Variants in CFAP263 observed in about 807,000 individuals in gnomAD.
The protein encoded by CFAP263 is cilia- and flagella-associated protein 263.
At chr16:58,279,163 A>G in the CFAP263 span, among the ~76,000 whole-genome samples, 1 of 152,074 alleles carries the variant, frequency 6.6e-6, no homozygotes, top group Non-Finnish European at 1.5e-5. Context: ...GCAATGGGAA[A>G]CCATATGCTG....
At chr16:58,266,753 G>A in the CFAP263 span, among the ~76,000 whole-genome samples, 1 of 152,130 alleles carries the variant, frequency 6.6e-6, no homozygotes, top group East Asian at 1.9e-4. Context: ...TGGTCAAAAG[G>A]GGGCCAATCT....
the CFAP263 span, among the ~76,000 whole-genome samples, chr16:58,271,258 C>T: frequency 1.3e-5 from 2 of 151,984 alleles, no homozygotes; most frequent in South Asian, 2.1e-4. Flanking sequence ...CTTTATTTTT[C>T]CTTTATTTTT....
chr16:58,250,738 C>T, the CFAP263 span, among the ~76,000 whole-genome samples: 1 of 144,278 alleles, frequency 6.9e-6, no homozygotes. Flanking sequence ...GCACCCCAGC[C>T]TGGGCAACAG....
chr16:58,271,865 G>A, the CFAP263 span, among the ~76,000 whole-genome samples: 12 of 152,194 alleles, frequency 7.9e-5, no homozygotes, highest in African/African-American at 2.2e-4. Context: ...CGTACTCTTC[G>A]GAAGGAAGTC....
chr16:58,278,567 G>A, the CFAP263 span: 32 of 1,612,390 alleles, frequency 2.0e-5, 1 homozygote, highest in East Asian at 3.3e-4. Context: ...ACTTACGTCC[G>A]GGAGAAGATC....
chr16:58,252,426 G>T, the CFAP263 span, among the ~76,000 whole-genome samples: 1 of 151,846 alleles, frequency 6.6e-6, no homozygotes, highest in Non-Finnish European at 1.5e-5. Flanking sequence ...GATACTTGAA[G>T]ATGAAACCTA....
chr16:58,270,022 C>T, the CFAP263 span, among the ~76,000 whole-genome samples: 5 of 152,114 alleles, frequency 3.3e-5, no homozygotes, highest in African/African-American at 9.7e-5. Flanking sequence ...TAAAAAAATG[C>T]CCATCCTACT....
the CFAP263 span, among the ~76,000 whole-genome samples, chr16:58,253,744 C>T: frequency 1.3e-5 from 2 of 152,204 alleles, no homozygotes; most frequent in South Asian, 2.1e-4. Flanking sequence ...ACCTTCAAGA[C>T]GTTTACCCTT....
chr16:58,253,960 T>C, the CFAP263 span: 6 of 1,612,292 alleles, frequency 3.7e-6, no homozygotes, highest in Non-Finnish European at 4.2e-6. Flanking sequence ...CATTACCAAT[T>C]CCTCTTTGAC....
At chr16:58,280,640 C>T in the CFAP263 span, 1 of 1,614,196 alleles carries the variant, frequency 6.2e-7, no homozygotes, top group Non-Finnish European at 8.5e-7. Flanking sequence ...CTGTAGTCTT[C>T]CACCTTGGTG....
chr16:58,279,709 C>T, the CFAP263 span: 216 of 1,609,018 alleles, frequency 1.3e-4, 1 homozygote, highest in South Asian at 2.2e-3. Context: ...AAAAGGCCAT[C>T]GTAAGGCTTG....
At chr16:58,251,258 G>A in the CFAP263 span, among the ~76,000 whole-genome samples, 1 of 152,192 alleles carries the variant, frequency 6.6e-6, no homozygotes, top group Non-Finnish European at 1.5e-5. Context: ...CACACAGTCA[G>A]TGGTAGTGCT....
chr16:58,269,425 A>G, the CFAP263 span, among the ~76,000 whole-genome samples: 2 of 151,428 alleles, frequency 1.3e-5, no homozygotes, highest in East Asian at 3.9e-4. Flanking sequence ...GAAGGGAGGA[A>G]AGAAAGGAAA....
the CFAP263 span, chr16:58,259,729 A>C: frequency 6.3e-4 from 366 of 580,372 alleles, 3 homozygotes; most frequent in African/African-American, 6.6e-3. Flanking sequence ...AAAGGACCTA[A>C]AATAAGTGAC....
the CFAP263 span, among the ~76,000 whole-genome samples, chr16:58,269,085 C>G: frequency 6.6e-6 from 1 of 152,250 alleles, no homozygotes; most frequent in East Asian, 1.9e-4. Context: ...GTAATCCTAG[C>G]ACTTTGGGAG....
chr16:58,282,746 CT>C, the CFAP263 span: 1 of 152,284 alleles, frequency 6.6e-6, no homozygotes, highest in Non-Finnish European at 1.5e-5. Flanking sequence ...GTCATGGGGG[CT>C]CCCTGGCCAA....
At chr16:58,274,662 C>T in the CFAP263 span, among the ~76,000 whole-genome samples, 1 of 152,202 alleles carries the variant, frequency 6.6e-6, no homozygotes, top group Non-Finnish European at 1.5e-5. Context: ...CCTTCACTTT[C>T]CACCATGATT....
chr16:58,254,300 T>C, the CFAP263 span: 1 of 839,908 alleles, frequency 1.2e-6, no homozygotes, highest in African/African-American at 1.7e-5. Flanking sequence ...GGGCCTATCT[T>C]CAAGGAACTT....
chr16:58,274,602 C>T, the CFAP263 span, among the ~76,000 whole-genome samples: 3 of 152,146 alleles, frequency 2.0e-5, no homozygotes, highest in Non-Finnish European at 1.5e-5. Context: ...GGCAGTTTCC[C>T]CTGCATGTGC....
Sources: allele counts gnomAD v4.1 joint callset (sites outside exome capture counted in the v4.1 genomes callset), GRCh38; gene constraint gnomAD v4.1.1; transcripts MANE v1.5; gene names NCBI Gene and HGNC (gene_info 2026-07-23, HGNC 2026-07-21).